Variants in SPIRE1 observed in about 807,000 individuals in gnomAD.
SPIRE1 encodes the protein spire type actin nucleation factor 1.
A neutral mutation model predicts 94.1 loss-of-function variants in SPIRE1; 40 were observed. The ratio of observed to expected loss-of-function variants is 0.43; its 90% confidence interval spans 0.33 to 0.55. SPIRE1 has a LOEUF of 0.55. Ranked by LOEUF, SPIRE1 falls within the 20% of genes least tolerant of loss-of-function variation. The pLI is 0.06. For synonymous variants in SPIRE1, 376 were observed against 371.7 expected (o/e 1.01, Z -0.13); for missense variants, 838 against 975.2 (o/e 0.86, Z 1.87).
chr18:12,522,470 G>A (rs1308986164), intron 4 of SPIRE1, among the ~76,000 whole-genome samples: 1 of 152,232 alleles, frequency 6.6e-6, no homozygotes, highest in African/African-American at 2.4e-5. Context: ...AGTGCTGAAT[G>A]TAGAAGCTGC....
chr18:12,503,625 AG>A (rs1490427772), intron 6 of SPIRE1, among the ~76,000 whole-genome samples: 1 of 152,000 alleles, frequency 6.6e-6, no homozygotes, highest in East Asian at 1.9e-4. Flanking sequence ...CCCCCTACTT[AG>A]CTGCTTCCCT....
chr18:12,613,621 C>T (rs1428398121), intron 2 of SPIRE1, among the ~76,000 whole-genome samples: 2 of 152,126 alleles, frequency 1.3e-5, no homozygotes, highest in African/African-American at 2.4e-5. Context: ...CGTATCTGGC[C>T]GGGCACGGTG....
intron 10 of SPIRE1, among the ~76,000 whole-genome samples, chr18:12,473,129 C>T (rs1194610546): frequency 6.6e-6 from 1 of 152,120 alleles, no homozygotes; most frequent in African/African-American, 2.4e-5. Context: ...TGCTATGTTG[C>T]TCAGGCTGGC....
intron 1 of SPIRE1, among the ~76,000 whole-genome samples, chr18:12,641,284 G>GAA (rs377600381): frequency 4.7e-5 from 7 of 150,464 alleles, no homozygotes; most frequent in African/African-American, 1.7e-4. Flanking sequence ...TTATTACTAG[G>GAA]AAAAAAAACC....
chr18:12,583,962 A>G (rs955852131), intron 2 of SPIRE1, among the ~76,000 whole-genome samples: 1 of 152,154 alleles, frequency 6.6e-6, no homozygotes, highest in African/African-American at 2.4e-5. Context: ...ACAAAAACAG[A>G]AAATAAACCA....
At chr18:12,472,076 C>A (rs1369917644) in intron 10 of SPIRE1, among the ~76,000 whole-genome samples, 1 of 152,000 alleles carries the variant, frequency 6.6e-6, no homozygotes, top group Admixed American at 6.6e-5. Flanking sequence ...TGAGCCATTG[C>A]GCATGGCCAG....
At chr18:12,655,800 C>A (rs2038522474) in intron 1 of SPIRE1, among the ~76,000 whole-genome samples, 1 of 152,180 alleles carries the variant, frequency 6.6e-6, no homozygotes, top group South Asian at 2.1e-4. Flanking sequence ...AAACTGGGGG[C>A]TTGTTCTCTC....
chr18:12,484,085 C>G (rs1230284537), intron 9 of SPIRE1, among the ~76,000 whole-genome samples: 2 of 152,140 alleles, frequency 1.3e-5, no homozygotes, highest in African/African-American at 4.8e-5. Context: ...ACAGAACACA[C>G]AACATACCTA....
chr18:12,584,097 T>C (rs2036328311), intron 2 of SPIRE1, among the ~76,000 whole-genome samples: 5 of 151,808 alleles, frequency 3.3e-5, no homozygotes, highest in Admixed American at 2.6e-4. Context: ...CAGAAATATA[T>C]AATACATGCC....
chr18:12,575,521 A>T (rs1442181933), intron 2 of SPIRE1, among the ~76,000 whole-genome samples: 1 of 151,962 alleles, frequency 6.6e-6, no homozygotes, highest in African/African-American at 2.4e-5. Flanking sequence ...TAATTTTTGT[A>T]TTTTTTTGTA....
At chr18:12,461,481 CATAT>C (rs752175011) in intron 12 of SPIRE1, among the ~76,000 whole-genome samples, 1,566 of 60,430 alleles carry the variant, frequency 0.026, 25 homozygotes, top group African/African-American at 0.062. Context: ...TACGTACATA[CATAT>C]GTGTGTATGC....
In SPIRE1 at chr18:12,452,358, G is replaced by A. The variant is rs775194626; in HGVS notation, c.1909C>T (p.Pro637Ser). The A allele has an allele frequency of 1.2e-6, 2 of 1,614,048 alleles. No individual in the cohort carries two copies. Among genetic ancestry groups the A allele is most frequent in the South Asian group, 2.2e-5 (2 of 91,072 alleles). ...RLPSKPYSTL[P>S]IFSLGPSALQ... is the part of the protein sequence containing the mutation. The stretch of plus-strand genomic sequence containing the variant: ...GCAGAAGGTCCCAATGAAAAGATAG[G>A]AAGAGTGGAGTATGGTTTGGAGGGC... Residue 637 changes from proline to serine, a missense_variant, in exon 16 of 17, where the codon CCT becomes TCT. Around this residue, in one of 2 missense-constraint regions of SPIRE1, gnomAD observed 645 missense variants for 804.7 expected, o/e 0.80. Transcript: ENST00000409402.
At chr18:12,534,740 T>G (rs1387023776) in intron 4 of SPIRE1, among the ~76,000 whole-genome samples, 1 of 152,192 alleles carries the variant, frequency 6.6e-6, no homozygotes, top group Non-Finnish European at 1.5e-5. Context: ...CATAATGACA[T>G]GAGCCAATTC....
intron 1 of SPIRE1, among the ~76,000 whole-genome samples, chr18:12,655,427 C>A (rs1199181394): frequency 6.6e-6 from 1 of 152,196 alleles, no homozygotes; most frequent in African/African-American, 2.4e-5. Flanking sequence ...AGGAAATAAA[C>A]TAATGTTTTA....
chr18:12,497,938 A>C (rs902424955), intron 6 of SPIRE1, among the ~76,000 whole-genome samples: 1 of 152,194 alleles, frequency 6.6e-6, no homozygotes. Context: ...TAGTCTCCTC[A>C]GTAGTCAGAA....
intron 4 of SPIRE1, among the ~76,000 whole-genome samples, chr18:12,517,677 C>A (rs72877257): frequency 0.12 from 18,322 of 152,146 alleles, 1,384 homozygotes; most frequent in East Asian, 0.32. Flanking sequence ...GCAATTAGAA[C>A]TGCTCAATGC....
At chr18:12,454,654 C>T in intron 12 of SPIRE1, 171 bp from the exon 13 acceptor site, 1 of 611,304 alleles carries the variant, frequency 1.6e-6, no homozygotes, top group East Asian at 2.7e-5. Context: ...TTTCCAATTA[C>T]ACTAAGACTA....
At chr18:12,565,907 G>A (rs1296189011) in intron 2 of SPIRE1, among the ~76,000 whole-genome samples, 7 of 151,680 alleles carry the variant, frequency 4.6e-5, no homozygotes, top group South Asian at 2.1e-4. Context: ...GGTGGTGCAC[G>A]CCTGTAGTCC....
rs1358137556 is a variant in SPIRE1 at position 12,447,059 on chromosome 18, T to C, written c.*2579A>G. ...ATTACAGTATTTACAAGCATTCTTATACACTCCGACACTGACAGGGAGTTA... is the reference window on the plus strand; with the variant it reads ...ATTACAGTATTTACAAGCATTCTTACACACTCCGACACTGACAGGGAGTTA... On this transcript the variant is annotated 3_prime_UTR_variant, in exon 17 of 17. Coordinates refer to ENST00000409402, the MANE Select transcript of SPIRE1 (RefSeq NM_001128626.2). 1 of 152,190 alleles carries C rather than the reference T, an allele frequency of 6.6e-6. No individual in the cohort carries two copies. Among genetic ancestry groups the C allele is most frequent in the Non-Finnish European group, 1.5e-5 (1 of 68,046 alleles). 9.4% of individuals were successfully genotyped at this position (152,190 alleles called of 1,614,324 possible).
Sources: gnomAD v4.1 joint callset for allele counts (sites outside exome capture counted in the v4.1 genomes callset) on GRCh38, gnomAD v4.1.1 for gene constraint, gnomAD v4.1.1 regional missense constraint, MANE v1.5 for transcripts, NCBI Gene and HGNC (gene_info 2026-07-23, HGNC 2026-07-21) for gene names.